The following TLK2 variants were observed in gnomAD, a reference collection of about 807,000 sequenced individuals.
TLK2 encodes serine/threonine-protein kinase tousled-like 2.
In TLK2, 6 loss-of-function variants were observed where a neutral mutation model predicts 117.3. That is an observed-to-expected ratio of 0.05 (90% CI 0.03 to 0.10). The LOEUF (loss-of-function observed/expected upper bound fraction) is 0.10. TLK2 is among the 10% of genes least tolerant of loss of function. The pLI, the probability that TLK2 is intolerant of heterozygous loss-of-function variation, is 1.00. For missense variants in TLK2, 299 were observed against 901.2 expected (o/e 0.33, Z 8.56); for synonymous variants, 257 against 316.7 (o/e 0.81, Z 2.00).
chr17:62,520,434 T>C (rs571834958), intron 2 of TLK2, among the ~76,000 whole-genome samples: 1 of 152,116 alleles, frequency 6.6e-6, no homozygotes, highest in South Asian at 2.1e-4. Context: ...CCCAGCACTT[T>C]GGGAGGTCGA....
intron 11 of TLK2, among the ~76,000 whole-genome samples, chr17:62,566,584 C>T (rs1346211478): frequency 2.0e-5 from 3 of 152,190 alleles, no homozygotes; most frequent in Non-Finnish European, 2.9e-5. Flanking sequence ...TTCAGAGCAG[C>T]ATTCACTCTG....
At chr17:62,470,996 A>T (rs1480762037) in exon 1 of TLK2, 1 of 152,356 alleles carries the variant, frequency 6.6e-6, no homozygotes, top group Non-Finnish European at 1.5e-5. Context: ...GTTCATGGCC[A>T]CCAGGCATCT....
intron 4 of TLK2, 30 bp downstream of exon 4, chr17:62,522,303 C>T: frequency 6.3e-7 from 1 of 1,599,214 alleles, no homozygotes; most frequent in South Asian, 1.1e-5. Context: ...AACAAAAGTA[C>T]TCAATTCTAA....
At chr17:62,600,503 C>G in intron 17 of TLK2, 148 bp from the exon 18 acceptor site, 1 of 668,216 alleles carries the variant, frequency 1.5e-6, no homozygotes, top group South Asian at 2.5e-5. Flanking sequence ...TCAGCTAATA[C>G]TGAATAAACA....
intron 1 of TLK2, among the ~76,000 whole-genome samples, chr17:62,479,603 C>G (rs1376337580): frequency 6.6e-6 from 1 of 152,140 alleles, no homozygotes; most frequent in African/African-American, 2.4e-5. Flanking sequence ...CCCTCCCTTC[C>G]TCCGTGACAG....
chr17:62,563,885 C>T (rs1270824663), intron 10 of TLK2, among the ~76,000 whole-genome samples: 1 of 152,080 alleles, frequency 6.6e-6, no homozygotes, highest in Non-Finnish European at 1.5e-5. Context: ...GATCTTCTAG[C>T]GCATTGAGGG....
chr17:62,474,586 T>A (rs1301203108), upstream of TLK2, among the ~76,000 whole-genome samples: 3 of 151,146 alleles, frequency 2.0e-5, no homozygotes, highest in Non-Finnish European at 4.4e-5. Flanking sequence ...ATTTTTTTTT[T>A]ATTTTTAGTA....
chr17:62,608,512 TGC>T (rs2083477578), intron 21 of TLK2, among the ~76,000 whole-genome samples: 2 of 152,236 alleles, frequency 1.3e-5, no homozygotes, highest in Non-Finnish European at 2.9e-5. Context: ...GGGGAGCTAA[TGC>T]CCATGTAGGA....
upstream of TLK2, among the ~76,000 whole-genome samples, chr17:62,475,036 A>T (rs1297063209): frequency 6.6e-6 from 1 of 152,108 alleles, no homozygotes; most frequent in African/African-American, 2.4e-5. Context: ...ATAGAGCCAA[A>T]CTTTGTCTCA....
chr17:62,571,799 C>T (rs890197857), intron 11 of TLK2, among the ~76,000 whole-genome samples: 2 of 152,134 alleles, frequency 1.3e-5, no homozygotes, highest in Non-Finnish European at 2.9e-5. Context: ...AGATACTGTA[C>T]TGAATCTGGA....
intron 21 of TLK2, among the ~76,000 whole-genome samples, chr17:62,608,617 G>A (rs1235322940): frequency 6.6e-6 from 1 of 152,190 alleles, no homozygotes; most frequent in Non-Finnish European, 1.5e-5. Context: ...ATAAAGGAAA[G>A]AGGTTTAATT....
intron 2 of TLK2, among the ~76,000 whole-genome samples, chr17:62,482,224 C>T (rs1307292295): frequency 6.6e-6 from 1 of 152,256 alleles, no homozygotes; most frequent in East Asian, 1.9e-4. Flanking sequence ...GCTGGGATCA[C>T]AGGCAGGAGC....
At chr17:62,534,679 T>C (rs1421983412) in intron 6 of TLK2, among the ~76,000 whole-genome samples, 2 of 152,062 alleles carry the variant, frequency 1.3e-5, no homozygotes, top group Admixed American at 1.3e-4. Flanking sequence ...TAAAAATCTT[T>C]AATTTCTAAT....
chr17:62,530,996 AG>A (rs1162257898), intron 6 of TLK2, among the ~76,000 whole-genome samples: 2 of 152,020 alleles, frequency 1.3e-5, no homozygotes, highest in African/African-American at 2.4e-5. Flanking sequence ...GTTTCTTTGA[AG>A]GTATCTGCTT....
chr17:62,522,495 A>C (rs2076112147), intron 4 of TLK2, among the ~76,000 whole-genome samples: 1 of 152,230 alleles, frequency 6.6e-6, no homozygotes, highest in African/African-American at 2.4e-5. Flanking sequence ...CCCTGTTGTA[A>C]GCTAACAATC....
intron 2 of TLK2, among the ~76,000 whole-genome samples, chr17:62,497,466 C>T (rs924958951): frequency 6.6e-6 from 1 of 152,184 alleles, no homozygotes; most frequent in Non-Finnish European, 1.5e-5. Flanking sequence ...TGGACTAAAT[C>T]TAATTCCCAA....
At chr17:62,500,153 T>G (rs1433349902) in intron 2 of TLK2, among the ~76,000 whole-genome samples, 1 of 151,918 alleles carries the variant, frequency 6.6e-6, no homozygotes, top group Non-Finnish European at 1.5e-5. Flanking sequence ...CACTGCAGCC[T>G]TAAACTCCTG....
intron 21 of TLK2, chr17:62,612,051 C>G (rs2083824254): frequency 5.9e-6 from 1 of 170,552 alleles, no homozygotes; most frequent in Admixed American, 6.3e-5. Flanking sequence ...CGTTCCCATC[C>G]AAACCAGCGA....
At chr17:62,507,381 G>A (rs1476272545) in intron 2 of TLK2, 1 of 152,148 alleles carries the variant, frequency 6.6e-6, no homozygotes, top group African/African-American at 2.4e-5. Context: ...TCACTTCTAG[G>A]AATGCTGCAA....
Sources: allele counts gnomAD v4.1 joint callset (sites outside exome capture counted in the v4.1 genomes callset), GRCh38; gene constraint gnomAD v4.1.1; transcripts MANE v1.5; gene names NCBI Gene and HGNC (gene_info 2026-07-23, HGNC 2026-07-21).